TMPRSS4: variants seen among roughly 807,000 people sequenced by gnomAD.
TMPRSS4 encodes transmembrane protease serine 4.
In TMPRSS4, 45 loss-of-function variants were observed where a neutral mutation model predicts 56.4. That is an observed-to-expected ratio of 0.80 (90% CI 0.63 to 1.02). The LOEUF (loss-of-function observed/expected upper bound fraction) is 1.02, where lower values mean the gene tolerates loss of function less well. Among genes scored for constraint, TMPRSS4 ranks in the 50% least tolerant of loss-of-function variants. The pLI, the probability that TMPRSS4 is intolerant of heterozygous loss-of-function variation, is 0.00. For synonymous variants in TMPRSS4, 205 were observed against 211.0 expected (o/e 0.97, Z 0.25); for missense variants, 546 against 556.7 (o/e 0.98, Z 0.19).
At chr11:118,092,821 T>C (rs901869864) in intron 1 of TMPRSS4, among the ~76,000 whole-genome samples, 2 of 152,310 alleles carry the variant, frequency 1.3e-5, no homozygotes, top group South Asian at 2.1e-4. Flanking sequence ...TCTTTCACTG[T>C]CTCAGTCATC....
intron 11 of TMPRSS4, chr11:118,115,590 C>A (rs949080144): frequency 3.1e-5 from 8 of 254,698 alleles, no homozygotes; most frequent in Non-Finnish European, 6.2e-5. Flanking sequence ...GAGGCTGAGG[C>A]GGGCAGGTGA....
chr11:118,101,266 C>T (rs180765710), intron 3 of TMPRSS4, among the ~76,000 whole-genome samples: 5 of 152,236 alleles, frequency 3.3e-5, no homozygotes, highest in South Asian at 2.1e-4. Context: ...GTCAGGATTA[C>T]GTGAGGAAAT....
downstream of TMPRSS4, among the ~76,000 whole-genome samples, chr11:118,123,533 T>C (rs961573096): frequency 5.9e-5 from 9 of 152,176 alleles, no homozygotes; most frequent in Non-Finnish European, 1.2e-4. Context: ...TGTCTTTTTT[T>C]TTGAGACGGA....
chr11:118,101,854 A>G (rs2135399687), intron 3 of TMPRSS4, among the ~76,000 whole-genome samples: 1 of 152,362 alleles, frequency 6.6e-6, no homozygotes, highest in Non-Finnish European at 1.5e-5. Flanking sequence ...AAAATGGCAA[A>G]AGAGCAACAG....
In TMPRSS4 at chr11:118,111,924, T is replaced by A. The variant is rs781441670; in HGVS notation, c.743+24T>A. On this transcript the variant is annotated intron_variant, in intron 8 of 12. Transcript: ENST00000437212. ...AGGTAAGACCCCAGCTGTAAGGAGG[T>A]CTCTGGGGACCAAGGCCAGTCAGGG... 11 of 1,593,504 alleles carry A rather than the reference T, an allele frequency of 6.9e-6. No individual in the cohort carries two copies. The Admixed American group carries it at 1.9e-4, about 28-fold the overall frequency.
intron 1 of TMPRSS4, among the ~76,000 whole-genome samples, chr11:118,080,015 C>T (rs1565405543): frequency 6.6e-6 from 1 of 152,162 alleles, no homozygotes; most frequent in Non-Finnish European, 1.5e-5. Flanking sequence ...TCCCCCCCCA[C>T]CAAAAGAAGC....
chr11:118,119,910 T>C lies in TMPRSS4; in HGVS notation c.*1997T>C, dbSNP rs1947735268. ...ATCTTCACCATTTTTAGGTGTATAG[T>C]TCAGTGGTGTTATGTACATTCACAC... On this transcript the variant is annotated 3_prime_UTR_variant, in exon 13 of 13. Coordinates refer to ENST00000437212, the MANE Select transcript of TMPRSS4 (RefSeq NM_019894.4). The C allele has an allele frequency of 6.6e-6, 1 of 152,344 alleles. No homozygotes were observed. The highest frequency in any genetic ancestry group is 2.1e-4 in the South Asian group (1 of 4,832). The allele number at this position is 152,344 out of a possible 1,614,324, so 9.4% of individuals were successfully genotyped here.
At position 118,118,950 on chromosome 11, in the gene TMPRSS4, C is replaced by T; in HGVS notation, c.*1037C>T. 1 of 985,334 alleles carries T rather than the reference C, an allele frequency of 1.0e-6. No individual in the cohort carries two copies. Among genetic ancestry groups the T allele is most frequent in the Non-Finnish European group, 1.2e-6 (1 of 829,924 alleles). 61.0% of individuals were successfully genotyped at this position (985,334 alleles called of 1,614,324 possible). A position where few individuals can be genotyped will look rare whatever the true frequency, so the allele number is the denominator to read the frequency against. On this transcript the variant is annotated 3_prime_UTR_variant, in exon 13 of 13. Coordinates refer to ENST00000437212, the MANE Select transcript of TMPRSS4 (RefSeq NM_019894.4). ...GTGAGGATGTAAGCATGAATAAGTC[C>T]CTGCACTCAAAATGGTCAAAGAATT...
intron 1 of TMPRSS4, among the ~76,000 whole-genome samples, chr11:118,079,415 G>T (rs1175063016): frequency 6.6e-6 from 1 of 152,054 alleles, no homozygotes; most frequent in Non-Finnish European, 1.5e-5. Context: ...CATTAAGCTG[G>T]GTATTCCTAG....
chr11:118,088,922 T>G (rs151017534), intron 1 of TMPRSS4, among the ~76,000 whole-genome samples: 114 of 152,328 alleles, frequency 7.5e-4, no homozygotes, highest in Non-Finnish European at 1.0e-3. Context: ...TTGCCTTGTT[T>G]CAGCTTTGCA....
At chr11:118,094,933 G>T in intron 2 of TMPRSS4, 78 bp downstream of exon 2, 2 of 1,490,418 alleles carry the variant, frequency 1.3e-6, no homozygotes, top group Non-Finnish European at 1.8e-6. Flanking sequence ...AGCCACTCGC[G>T]CCTGGCCCTC....
chr11:118,100,963 T>A (rs559366043), intron 3 of TMPRSS4, among the ~76,000 whole-genome samples: 2 of 152,248 alleles, frequency 1.3e-5, no homozygotes, highest in Non-Finnish European at 2.9e-5. Context: ...GGCAATGCTG[T>A]CTCCTGGATT....
At chr11:118,091,207 A>G (rs1945932469) in intron 1 of TMPRSS4, among the ~76,000 whole-genome samples, 1 of 151,996 alleles carries the variant, frequency 6.6e-6, no homozygotes, top group African/African-American at 2.4e-5. Flanking sequence ...TATCTTCCAA[A>G]CACATTTGGC....
rs1947740479 is a variant in TMPRSS4 at position 118,120,028 on chromosome 11, A to G, written c.*2115A>G. The stretch of plus-strand genomic sequence containing the variant: ...TTTCCCCCTCCTCCCAATCTCTGGC[A>G]ACCACCATTGTGCTTTCAGTCTCTG... On this transcript the variant is annotated 3_prime_UTR_variant, in exon 13 of 13. Coordinates refer to ENST00000437212, the MANE Select transcript of TMPRSS4 (RefSeq NM_019894.4). The G allele has an allele frequency of 6.6e-6, 1 of 152,190 alleles. No individual in the cohort carries two copies. The highest frequency in any genetic ancestry group is 2.4e-5 in the African/African-American group (1 of 41,448). 9.4% of individuals were successfully genotyped at this position (152,190 alleles called of 1,614,324 possible). A position where few individuals can be genotyped will look rare whatever the true frequency, so the allele number is the denominator to read the frequency against.
intron 11 of TMPRSS4, among the ~76,000 whole-genome samples, chr11:118,116,688 C>T (rs566193152): frequency 1.0e-4 from 15 of 148,798 alleles, no homozygotes; most frequent in African/African-American, 2.7e-4. Flanking sequence ...AATTTTGGAA[C>T]GACTAGGTTA....
intron 6 of TMPRSS4, 76 bp from the exon 7 acceptor site, chr11:118,108,780 G>A (rs1947128273): frequency 4.6e-6 from 7 of 1,514,530 alleles, no homozygotes; most frequent in Non-Finnish European, 6.4e-6. Context: ...TGAATTAACA[G>A]CTTCGGGAGG....
intron 10 of TMPRSS4, 75 bp downstream of exon 10, chr11:118,115,002 G>A (rs534495442): frequency 1.3e-6 from 2 of 1,550,218 alleles, no homozygotes; most frequent in South Asian, 1.2e-5. Flanking sequence ...GTAATGGGAA[G>A]GAGGACCACC....
chr11:118,101,848 T>C (rs763605277), intron 3 of TMPRSS4, among the ~76,000 whole-genome samples: 2 of 152,140 alleles, frequency 1.3e-5, no homozygotes, highest in African/African-American at 2.4e-5. Context: ...CATCCCAAAA[T>C]GGCAAAAGAG....
chr11:118,123,062 C>T (rs1369672673), downstream of TMPRSS4, among the ~76,000 whole-genome samples: 2 of 152,094 alleles, frequency 1.3e-5, no homozygotes, highest in Non-Finnish European at 2.9e-5. Flanking sequence ...GAACTGTGAG[C>T]AATAAATTTC....
Sources: allele counts gnomAD v4.1 joint callset (sites outside exome capture counted in the v4.1 genomes callset), GRCh38; gene constraint gnomAD v4.1.1; transcripts MANE v1.5; gene names NCBI Gene and HGNC (gene_info 2026-07-23, HGNC 2026-07-21).